CORO7: variants seen among roughly 807,000 people sequenced by gnomAD.
CORO7 encodes coronin-7.
A neutral mutation model predicts 126.6 loss-of-function variants in CORO7; 107 were observed. That is an observed-to-expected ratio of 0.85 (90% CI 0.72 to 0.99). CORO7 has a LOEUF of 0.99. Ranked by LOEUF, CORO7 falls within the 50% of genes least tolerant of loss-of-function variation. The pLI is 0.00. For synonymous variants in CORO7, 603 were observed against 536.8 expected (o/e 1.12, Z -1.70); for missense variants, 1,314 against 1,255.8 (o/e 1.05, Z -0.70).
chr16:4,361,116 T>A, intron 18 of CORO7, 31 bp from the exon 19 acceptor site: 8 of 1,613,260 alleles, frequency 5.0e-6, no homozygotes, highest in Non-Finnish European at 6.8e-6. Context: ...TCAGGAGCCC[T>A]TGGGAGACAC....
At chr16:4,382,180 G>T in intron 9 of CORO7, 1 of 1,597,838 alleles carries the variant, frequency 6.3e-7, no homozygotes, top group Non-Finnish European at 8.5e-7. Flanking sequence ...GTGCCCCGAA[G>T]GCTTCACGGG....
intron 6 of CORO7, 52 bp downstream of exon 6, chr16:4,405,439 G>A: frequency 6.4e-7 from 1 of 1,567,370 alleles, no homozygotes. Context: ...GGGGGTCCCA[G>A]CCCAGGAGGC....
At chr16:4,391,791 G>A (rs1242955652) in intron 7 of CORO7, among the ~76,000 whole-genome samples, 2 of 152,226 alleles carry the variant, frequency 1.3e-5, no homozygotes, top group Admixed American at 6.5e-5. Flanking sequence ...CTGCATAGGG[G>A]GCAAGAACAG....
chr16:4,370,392 G>T (rs1371273511), intron 9 of CORO7, among the ~76,000 whole-genome samples: 2 of 152,216 alleles, frequency 1.3e-5, no homozygotes, highest in South Asian at 4.1e-4. Context: ...GGGAGCAACC[G>T]CCACTCAGCC....
In CORO7 at chr16:4,365,523, G is replaced by A. The variant is rs1354218414; in HGVS notation, c.808C>T (p.Pro270Ser). The A allele has an allele frequency of 1.3e-6, 2 of 1,580,828 alleles. No individual in the cohort carries two copies. Among genetic ancestry groups the A allele is most frequent in the Admixed American group, 1.8e-5 (1 of 55,040 alleles). ...GCCAGGACCAGGAGCCCAGAGTCAG[G>A]GTCCAGCAGAGGCACGAGACACCTG... Reference protein sequence around the residue: ...SLGCLVPLLDPDSGLLVLAGK... With the variant: ...SLGCLVPLLDSDSGLLVLAGK... The change falls in exon 10 of 28, where the codon CCT (proline) becomes TCT (serine). Residue 270 changes from proline to serine, a missense_variant. Coordinates refer to ENST00000251166, the MANE Select transcript of CORO7 (RefSeq NM_024535.5).
intron 8 of CORO7, 22 bp from the exon 9 acceptor site, chr16:4,388,090 G>C: frequency 6.2e-7 from 1 of 1,602,484 alleles, no homozygotes; most frequent in Non-Finnish European, 8.5e-7. Context: ...GCGAGAGAGG[G>C]GCTCAGAGGG....
intron 9 of CORO7, chr16:4,381,079 G>C: frequency 6.2e-7 from 1 of 1,609,246 alleles, no homozygotes; most frequent in Non-Finnish European, 8.5e-7. Flanking sequence ...CACCATGCTC[G>C]ACGCAGGCAG....
Position 4,364,660 on chromosome 16 carries a change from C to A in CORO7, c.1074G>T (p.Pro358=). 1.3e-6 allele frequency: 2 copies of A among 1,581,846 alleles called. No homozygotes were observed. The highest frequency in any genetic ancestry group is 1.7e-6 in the Non-Finnish European group (2 of 1,164,828). The change falls in exon 13 of 28, where the codon CCG becomes CCT. Residue 358 remains proline, a synonymous_variant. Transcript: ENST00000251166. The stretch of plus-strand genomic sequence containing the variant: ...TGGCAGGCACACAGCCGGCAGTGTC[C>A]GGGAACAGGTCCTCGTGGAACTCCA... ...KAVEFHEDLF[P]DTAGCVPATD... is the part of the protein sequence containing the mutation.
In CORO7 at chr16:4,365,058, G is replaced by A. The variant is rs779435387; in HGVS notation, c.843C>T (p.Gly281=). Residue 281 remains glycine (G), a splice_region_variant and synonymous_variant, in exon 11 of 28, where the codon GGC becomes GGT. Coordinates refer to ENST00000251166, the MANE Select transcript of CORO7 (RefSeq NM_024535.5). ...CCTCGTAACAGTACAGCTGCCTCTC[G>A]CCCTGAAATGAGTCTGAACTGAGCC... The part of the protein sequence containing the change: ...DSGLLVLAGK[G]ERQLYCYEVV... 2.7e-5 allele frequency: 43 copies of A among 1,597,658 alleles called. No homozygotes were observed. The Middle Eastern group carries it at 8.3e-4, about 31-fold the overall frequency.
Position 4,388,628 on chromosome 16 carries a change from T to G in CORO7, c.619A>C (p.Thr207Pro). The change falls in exon 8 of 28, where the codon ACG becomes CCG. Residue 207 changes from threonine to proline, a missense_variant. Thr to Pro is a conservative substitution (Grantham distance 38, BLOSUM62 -1). Coordinates refer to ENST00000251166, the MANE Select transcript of CORO7 (RefSeq NM_024535.5). ...TCCCTGCTGTTCTCATGGGCCTGCG[T>G]GCTCTGCAGGAGGCAAGAGGTGGAC... is the stretch of plus-strand genomic sequence containing the variant. ...PRTKPRASQS[T>P]QAHENSRDSR... 6.2e-7 allele frequency: 1 copy of G among 1,611,180 alleles called. No individual in the cohort carries two copies. Among genetic ancestry groups the G allele is most frequent in the Non-Finnish European group, 8.5e-7 (1 of 1,179,228 alleles).
In CORO7 at chr16:4,359,515, C is replaced by T. The variant is rs142159766; in HGVS notation, c.2215G>A (p.Asp739Asn). Residue 739 changes from aspartate (D) to asparagine (N), a missense_variant, in exon 22 of 28, where the codon GAC (aspartate) becomes AAC (asparagine). Physicochemically the swap from Asp to Asn is conservative, Grantham distance 23. Coordinates refer to ENST00000251166, the MANE Select transcript of CORO7 (RefSeq NM_024535.5). Reference sequence around the variant, plus strand: ...AGGAGCACCAGGCCAGTGTCTGGGTCGTAGCTGGGCAGCAGGGTTGAGGGA... The same window carrying T: ...AGGAGCACCAGGCCAGTGTCTGGGTTGTAGCTGGGCAGCAGGGTTGAGGGA... ...VAPSTLLPSY[D>N]PDTGLVLLTG... 47 of 1,613,416 alleles carry T rather than the reference C, an allele frequency of 2.9e-5. 1 individual carries two copies. The highest frequency in any genetic ancestry group is 2.4e-4 in the South Asian group (22 of 91,068).
In CORO7 at chr16:4,357,999, A is replaced by T; in HGVS notation, c.2562T>A (p.Leu854=). Residue 854 remains leucine, a synonymous_variant, in exon 25 of 28, where the codon CTT becomes CTA. Transcript: ENST00000251166. ...TCATGTCAGGAGGCTGCAGGCTGAG[A>T]AGCCAGGGCTGCCCATTAGCGCCTT... ...WLQGANGQPW[L]LSLQPPDMSP... is the part of the protein sequence containing the mutation. The T allele has an allele frequency of 6.2e-7, 1 of 1,609,662 alleles. No individual in the cohort carries two copies. Among genetic ancestry groups the T allele is most frequent in the Non-Finnish European group, 8.5e-7 (1 of 1,176,642 alleles).
In CORO7 at chr16:4,389,677, G is replaced by T. The variant is rs78352298; in HGVS notation, c.616-1046C>A. 8.3e-3 allele frequency among the ~76,000 whole-genome samples: 1,268 copies of T among 152,308 alleles called. 14 individuals carry two copies. The highest frequency in any genetic ancestry group is 0.031 in the Middle Eastern group (9 of 294). ...TTGGGGCTGGAGCCTGAGAACCAAGGCCCCACTGCCCTCTCTCCACGTAAG... is the reference window on the plus strand; with the variant it reads ...TTGGGGCTGGAGCCTGAGAACCAAGTCCCCACTGCCCTCTCTCCACGTAAG... On this transcript the variant is annotated intron_variant, in intron 7 of 27. Coordinates refer to ENST00000251166, the MANE Select transcript of CORO7 (RefSeq NM_024535.5).
chr16:4,408,055 G>T, intron 4 of CORO7, 126 bp downstream of exon 4: 1 of 1,419,916 alleles, frequency 7.0e-7, no homozygotes, highest in Non-Finnish European at 9.7e-7. Flanking sequence ...CAGCCCCGCA[G>T]CCCTGGGGAG....
At chr16:4,398,238 A>G (rs1040378313) in intron 6 of CORO7, among the ~76,000 whole-genome samples, 5 of 152,192 alleles carry the variant, frequency 3.3e-5, no homozygotes, top group Non-Finnish European at 7.3e-5. Flanking sequence ...CATTTTAAAA[A>G]TATATATATA....
intron 26 of CORO7, chr16:4,356,802 A>G (rs2053990525): frequency 4.0e-6 from 1 of 250,966 alleles, no homozygotes; most frequent in African/African-American, 2.3e-5. Context: ...CACAAAGAAG[A>G]GACAGGGGGA....
At chr16:4,405,271 G>A (rs1163781442) in intron 6 of CORO7, among the ~76,000 whole-genome samples, 2 of 152,242 alleles carry the variant, frequency 1.3e-5, no homozygotes, top group African/African-American at 2.4e-5. Flanking sequence ...AGGGACCAGC[G>A]TGGGCTCTCA....
rs201099555 is a variant in CORO7 at position 4,358,136 on chromosome 16, T to C, written c.2458-33A>G. On this transcript the variant is annotated intron_variant, in intron 24 of 27. Coordinates refer to ENST00000251166, the MANE Select transcript of CORO7 (RefSeq NM_024535.5). ...GGGAGAAACGGGCTGTCCTGAGACATTGACCAGGTGCCCAGGGCACACGGG... is the reference window on the plus strand; with the variant it reads ...GGGAGAAACGGGCTGTCCTGAGACACTGACCAGGTGCCCAGGGCACACGGG... 218 of 1,595,518 alleles carry C rather than the reference T, an allele frequency of 1.4e-4. 1 individual carries two copies. The East Asian group carries it at 2.5e-3, about 18-fold the overall frequency.
chr16:4,380,938 G>A (rs779887171), intron 9 of CORO7: 2 of 1,595,332 alleles, frequency 1.3e-6, no homozygotes, highest in Admixed American at 1.7e-5. Flanking sequence ...GGGGCCTGGG[G>A]TGCAGGGCTG....
Sources: gnomAD v4.1 joint callset for allele counts (sites outside exome capture counted in the v4.1 genomes callset) on GRCh38, gnomAD v4.1.1 for gene constraint, MANE v1.5 for transcripts, NCBI Gene and HGNC (gene_info 2026-07-23, HGNC 2026-07-21) for gene names.